Variants in SYT1 observed in about 807,000 individuals in gnomAD.
The protein encoded by SYT1 is synaptotagmin 1, also known as synaptotagmin-1.
A neutral mutation model predicts 44.8 loss-of-function variants in SYT1; 8 were observed. The ratio of observed to expected loss-of-function variants is 0.18; its 90% CI spans 0.10 to 0.32. SYT1 has a LOEUF of 0.32. Ranked by LOEUF, SYT1 falls within the 10% of genes least tolerant of loss-of-function variation. SYT1 has a pLI of 1.00. For missense variants in SYT1, 286 were observed against 509.3 expected, an observed-to-expected ratio of 0.56 and a Z score of 4.22; for synonymous variants, 154 against 188.8, an observed-to-expected ratio of 0.82 and a Z score of 1.51.
At chr12:79,042,296 T>C (rs1172935328) in intron 2 of SYT1, among the ~76,000 whole-genome samples, 2 of 150,660 alleles carry the variant, frequency 1.3e-5, no homozygotes, top group African/African-American at 4.8e-5. Flanking sequence ...ATTGCCACAA[T>C]TTCAGATCCT....
intron 3 of SYT1, among the ~76,000 whole-genome samples, chr12:79,050,341 T>C (rs1874383456): frequency 7.0e-6 from 1 of 143,880 alleles, no homozygotes; most frequent in Admixed American, 7.2e-5. Flanking sequence ...TGGTTGGTTT[T>C]ACTGTCTCAG....
At chr12:79,106,502 CTTT>C (rs568453527) in intron 3 of SYT1, among the ~76,000 whole-genome samples, 1 of 140,010 alleles carries the variant, frequency 7.1e-6, no homozygotes. Flanking sequence ...GTTTATAATG[CTTT>C]TTTTTTTTTT....
chr12:78,883,708 T>C (rs1388047570), intron 1 of SYT1, among the ~76,000 whole-genome samples: 1 of 151,740 alleles, frequency 6.6e-6, no homozygotes, highest in Non-Finnish European at 1.5e-5. Context: ...CTGAAACAGA[T>C]AATCATTCTT....
At chr12:78,927,456 A>G (rs1172550476) in intron 1 of SYT1, among the ~76,000 whole-genome samples, 1 of 152,136 alleles carries the variant, frequency 6.6e-6, no homozygotes, top group African/African-American at 2.4e-5. Context: ...CATTTAAAAA[A>G]TTTTGTGTCT....
intron 1 of SYT1, among the ~76,000 whole-genome samples, chr12:78,931,623 T>G (rs1877757864): frequency 6.6e-6 from 1 of 152,182 alleles, no homozygotes; most frequent in Admixed American, 6.5e-5. Flanking sequence ...TTTATTTATT[T>G]TTCTCTCAGG....
At chr12:79,296,950 A>T (rs1050872835) in intron 7 of SYT1, among the ~76,000 whole-genome samples, 5 of 152,188 alleles carry the variant, frequency 3.3e-5, no homozygotes, top group African/African-American at 1.2e-4. Context: ...TAACGTGCGA[A>T]AAAAACTTTT....
intron 9 of SYT1, among the ~76,000 whole-genome samples, chr12:79,400,519 A>G (rs1344709021): frequency 6.6e-6 from 1 of 152,226 alleles, no homozygotes; most frequent in Non-Finnish European, 1.5e-5. Context: ...AAAAGTGACC[A>G]TATCAGACAG....
chr12:78,891,289 T>C (rs1278759714), intron 1 of SYT1, among the ~76,000 whole-genome samples: 2 of 151,904 alleles, frequency 1.3e-5, no homozygotes, highest in African/African-American at 2.4e-5. Context: ...AACACTATTA[T>C]ATATTATCAT....
intron 3 of SYT1, among the ~76,000 whole-genome samples, chr12:79,053,278 G>A (rs1255454761): frequency 6.6e-6 from 1 of 152,008 alleles, no homozygotes; most frequent in Non-Finnish European, 1.5e-5. Context: ...AATACCGCAT[G>A]TTCTCACTCA....
At position 79,401,508 on chromosome 12, in the gene SYT1, C is replaced by A. The variant is rs536172155; in HGVS notation, c.929-42565C>A. Among the ~76,000 whole-genome samples the A allele has an allele frequency of 2.0e-5, 3 of 152,168 alleles. No individual in the cohort carries two copies. The East Asian group carries it at 5.8e-4, about 29-fold the overall frequency. ...AGCCTATTACAAAATCAAAGTTGGC[C>A]CCTTCTACTTTGGAACAAATGTATT... On this transcript the variant is annotated intron_variant, in intron 9 of 10. Transcript: ENST00000261205.
At chr12:79,243,191 C>A (rs975260337) in intron 4 of SYT1, among the ~76,000 whole-genome samples, 2 of 152,202 alleles carry the variant, frequency 1.3e-5, no homozygotes, top group Admixed American at 6.5e-5. Flanking sequence ...ATGGGAGCTA[C>A]AATTCAAGAT....
chr12:79,446,359 T>C lies in SYT1; in HGVS notation c.1062+2153T>C, dbSNP rs550747104. ...AAATAGATCTAACAATAAGATTAAATCAGTATATAAATCAGTGCTGTCTAA... is the reference window on the plus strand; with the variant it reads ...AAATAGATCTAACAATAAGATTAAACCAGTATATAAATCAGTGCTGTCTAA... On this transcript the variant is annotated intron_variant, in intron 10 of 10. Transcript: ENST00000261205. 3.3e-5 allele frequency among the ~76,000 whole-genome samples: 5 copies of C among 152,134 alleles called. No individual in the cohort carries two copies. In the East Asian group the frequency reaches 9.7e-4, roughly 29 times the overall value.
chr12:78,887,833 T>C (rs1874831453), intron 1 of SYT1, among the ~76,000 whole-genome samples: 1 of 151,936 alleles, frequency 6.6e-6, no homozygotes, highest in Non-Finnish European at 1.5e-5. Context: ...TAGAAGAAAT[T>C]GATTATTCAT....
At chr12:79,408,618 C>T (rs145677928) in intron 9 of SYT1, among the ~76,000 whole-genome samples, 18 of 152,190 alleles carry the variant, frequency 1.2e-4, no homozygotes, top group African/African-American at 3.4e-4. Context: ...TAAACTATGA[C>T]ATGCTATAAA....
At chr12:79,205,722 T>C (rs966085939) in intron 3 of SYT1, among the ~76,000 whole-genome samples, 15 of 152,198 alleles carry the variant, frequency 9.9e-5, no homozygotes, top group Admixed American at 2.0e-4. Flanking sequence ...CTCAATAATA[T>C]AGGTCCAAAG....
At chr12:79,079,817 G>T (rs1211668152) in intron 3 of SYT1, among the ~76,000 whole-genome samples, 1 of 152,048 alleles carries the variant, frequency 6.6e-6, no homozygotes, top group Admixed American at 6.6e-5. Flanking sequence ...AGATCTTAAA[G>T]TTGTAGTGGC....
At chr12:79,212,119 C>A (rs559156892) in intron 3 of SYT1, among the ~76,000 whole-genome samples, 1 of 151,996 alleles carries the variant, frequency 6.6e-6, no homozygotes, top group Non-Finnish European at 1.5e-5. Flanking sequence ...CCAAAATACC[C>A]ATCAATGATA....
At chr12:79,134,958 A>T (rs571555263) in intron 3 of SYT1, among the ~76,000 whole-genome samples, 4 of 151,750 alleles carry the variant, frequency 2.6e-5, no homozygotes, top group African/African-American at 9.7e-5. Context: ...TGAAATTTGC[A>T]AAGAAAGTAG....
intron 1 of SYT1, among the ~76,000 whole-genome samples, chr12:78,899,277 C>T (rs575221020): frequency 1.3e-5 from 2 of 151,074 alleles, no homozygotes; most frequent in South Asian, 2.1e-4. Flanking sequence ...TAGAACAGTG[C>T]CTGACAGTTA....
Sources: gnomAD v4.1 joint callset for allele counts (sites outside exome capture counted in the v4.1 genomes callset) on GRCh38, gnomAD v4.1.1 for gene constraint, MANE v1.5 for transcripts, NCBI Gene and HGNC (gene_info 2026-07-23, HGNC 2026-07-21) for gene names.